Variants in ADGRB1 observed in about 807,000 individuals in gnomAD.
ADGRB1 encodes adhesion G protein-coupled receptor B1.
ADGRB1 carries 36 observed loss-of-function variants against 175.7 expected under a neutral mutation model. That is an observed-to-expected ratio of 0.20 (90% CI 0.16 to 0.27). The LOEUF (loss-of-function observed/expected upper bound fraction) is 0.27, where lower values mean the gene tolerates loss of function less well. ADGRB1 is among the 10% of genes least tolerant of loss of function. ADGRB1 has a pLI of 1.00. For synonymous variants in ADGRB1, 1,054 were observed against 979.4 expected, an observed-to-expected ratio of 1.08 and a Z score of -1.42; for missense variants, 1,731 against 2,255.3, an observed-to-expected ratio of 0.77 and a Z score of 4.71.
rs746190381 is a variant in ADGRB1 at position 142,484,706 on chromosome 8, C to T, written c.2250C>T (p.Asp750=). Residue 750 remains aspartate (D), a synonymous_variant, in exon 13 of 31, where the codon GAC becomes GAT. Coordinates refer to ENST00000517894, the MANE Select transcript of ADGRB1 (RefSeq NM_001702.3). ...TCCGGCTGGTGGAGGACTTTGTGGA[C>T]GTCATCGGCTTCCGCATGAAGGACC... ...ELFRLVEDFV[D]VIGFRMKDLR... The T allele has an allele frequency of 8.1e-6, 13 of 1,612,174 alleles. No homozygotes were observed. The Admixed American group carries it at 1.7e-4, about 21-fold the overall frequency.
At position 142,490,826 on chromosome 8, in the gene ADGRB1, T is replaced by G; in HGVS notation, c.2675+11T>G. On this transcript the variant is annotated intron_variant, in intron 17 of 30. Transcript: ENST00000517894. ...GGATGAGACGGATGTGTAAGTTCAC[T>G]TGGATTTCATGGCCGTGGGGGTCTG... 6.3e-7 allele frequency: 1 copy of G among 1,577,318 alleles called. No homozygotes were observed. The highest frequency in any genetic ancestry group is 1.2e-5 in the South Asian group (1 of 85,962).
rs1171446684 is a variant in ADGRB1, at chr8:142,477,236, C to A, written c.1180C>A (p.Leu394Met). The change falls in exon 5 of 31, where the codon CTG (leucine) becomes ATG (methionine). Residue 394 changes from leucine (L) to methionine (M), a missense_variant. Leu to Met is a conservative substitution (Grantham distance 15). Around this residue, in one of 8 missense-constraint regions of ADGRB1, gnomAD observed 178 missense variants for 227.8 expected, o/e 0.78. Transcript: ENST00000517894. Reference protein sequence around the residue: ...SSYSTQCSGPLREQRLCNNSA... With the variant: ...SSYSTQCSGPMREQRLCNNSA... ...CTACAGCACGCAGTGCAGCGGACCC[C>A]TGCGCGAGCAGCGGCTGTGCAACAA... 6.3e-7 allele frequency: 1 copy of A among 1,598,924 alleles called. No individual in the cohort carries two copies. The highest frequency in any genetic ancestry group is 8.5e-7 in the Non-Finnish European group (1 of 1,175,312).
At chr8:142,473,250 G>C (rs1840760054) in intron 2 of ADGRB1, among the ~76,000 whole-genome samples, 1 of 152,198 alleles carries the variant, frequency 6.6e-6, no homozygotes. Flanking sequence ...GCTGGGCTGG[G>C]ACGGCGAGGG....
chr8:142,515,229 T>G (rs1188630725), intron 18 of ADGRB1, among the ~76,000 whole-genome samples: 1 of 152,188 alleles, frequency 6.6e-6, no homozygotes, highest in Non-Finnish European at 1.5e-5. Context: ...TGCAAGGGCC[T>G]GGGCCGCGCT....
At position 142,510,458 on chromosome 8, in the gene ADGRB1, C is replaced by G. The variant is rs1005718915; in HGVS notation, c.2676-474C>G. 2.0e-5 allele frequency among the ~76,000 whole-genome samples: 3 copies of G among 151,646 alleles called. No individual in the cohort carries two copies. Among genetic ancestry groups the G allele is most frequent in the African/African-American group, 7.3e-5 (3 of 41,338 alleles). Reference sequence around the variant, plus strand: ...GGAGAGCTCCGGAGCGGACCCTCGCCGCGCTCCGAACCCGCCCCGCGCCCC... The same window carrying G: ...GGAGAGCTCCGGAGCGGACCCTCGCGGCGCTCCGAACCCGCCCCGCGCCCC... On this transcript the variant is annotated intron_variant, in intron 17 of 30. Transcript: ENST00000517894. The surrounding 1 kb of genome is among the most constrained non-coding windows in gnomAD (Gnocchi z 6.3).
At chr8:142,525,180 G>A (rs1563740656) in intron 23 of ADGRB1, among the ~76,000 whole-genome samples, 1 of 151,958 alleles carries the variant, frequency 6.6e-6, no homozygotes, top group Admixed American at 6.5e-5. Flanking sequence ...ACTGGGGGTT[G>A]GAGGGGCAGT....
At chr8:142,459,793 A>G (rs1301915472) in intron 1 of ADGRB1, among the ~76,000 whole-genome samples, 1 of 152,156 alleles carries the variant, frequency 6.6e-6, no homozygotes, top group Non-Finnish European at 1.5e-5. Context: ...AGCAGAGGCC[A>G]CCAGCCCCTC....
Position 142,510,726 on chromosome 8 carries a change from G to T in ADGRB1, c.2676-206G>T, listed in dbSNP as rs1351789372. Among the ~76,000 whole-genome samples, 1 of 144,226 alleles carries T rather than the reference G, an allele frequency of 6.9e-6. No individual in the cohort carries two copies. The highest frequency in any genetic ancestry group is 2.5e-5 in the African/African-American group (1 of 40,132). The allele number at this position is 144,226 out of a possible 152,430, so 94.6% of individuals were successfully genotyped here. On this transcript the variant is annotated intron_variant, in intron 17 of 30. Transcript: ENST00000517894. The surrounding 1 kb of genome is among the most constrained non-coding windows in gnomAD (Gnocchi z 6.3). ...CTCCGCGGCTCTCGGCGGCGGCGGCGGCGGGCGCAGAGCGCGGCATGGGCG... is the reference window on the plus strand; with the variant it reads ...CTCCGCGGCTCTCGGCGGCGGCGGCTGCGGGCGCAGAGCGCGGCATGGGCG...
chr8:142,475,340 G>C, intron 2 of ADGRB1, 134 bp from the exon 3 acceptor site: 1 of 950,640 alleles, frequency 1.1e-6, no homozygotes, highest in Non-Finnish European at 1.4e-6. Flanking sequence ...GGTCCTCCCA[G>C]GCCAGGCCTT....
chr8:142,496,723 C>T (rs1210340476), intron 17 of ADGRB1, among the ~76,000 whole-genome samples: 6 of 152,220 alleles, frequency 3.9e-5, no homozygotes, highest in Admixed American at 1.3e-4. Context: ...AGTCCCAGAG[C>T]GGGGATGTTA....
chr8:142,492,855 A>G lies in ADGRB1; in HGVS notation c.2675+2040A>G, dbSNP rs568094874. The stretch of plus-strand genomic sequence containing the variant: ...TGCGGGGGCTGCAGGTGGGTCTCTC[A>G]CCCCCACAGCCCCAGCACTTCCACC... On this transcript the variant is annotated intron_variant, in intron 17 of 30. Transcript: ENST00000517894. This position sits in a 1 kb window ranked among gnomAD's most constrained non-coding sequence, Gnocchi z 4.4. Among the ~76,000 whole-genome samples, 1 of 151,516 alleles carries G rather than the reference A, an allele frequency of 6.6e-6. No homozygotes were observed. The highest frequency in any genetic ancestry group is 2.1e-4 in the South Asian group (1 of 4,782).
At position 142,533,351 on chromosome 8, in the gene ADGRB1, C is replaced by T. The variant is rs1392356922; in HGVS notation, c.3455C>T (p.Ser1152Leu). 5 of 1,595,594 alleles carry T rather than the reference C, an allele frequency of 3.1e-6. No homozygotes were observed. Among genetic ancestry groups the T allele is most frequent in the Non-Finnish European group, 4.3e-6 (5 of 1,173,538 alleles). The stretch of plus-strand genomic sequence containing the variant: ...CCGCTGCTGGCGCTGACCTGGATGT[C>T]GGCTGTGCTCGCCGTCACCGACCGC... ...VLPLLALTWMSAVLAVTDRRS... is the reference protein window; with the variant it reads ...VLPLLALTWMLAVLAVTDRRS... Residue 1152 changes from serine (S) to leucine (L), a missense_variant, in exon 25 of 31, where the codon TCG becomes TTG. Physicochemically the swap from Ser to Leu is moderately radical, Grantham distance 145. Coordinates refer to ENST00000517894, the MANE Select transcript of ADGRB1 (RefSeq NM_001702.3).
At chr8:142,498,622 T>A (rs891309291) in intron 17 of ADGRB1, among the ~76,000 whole-genome samples, 6 of 151,954 alleles carry the variant, frequency 3.9e-5, no homozygotes, top group African/African-American at 1.5e-4. Flanking sequence ...GGGACCACTA[T>A]ATTGAGAGTC....
intron 24 of ADGRB1, among the ~76,000 whole-genome samples, chr8:142,530,136 T>C (rs977647157): frequency 6.6e-6 from 1 of 152,110 alleles, no homozygotes; most frequent in African/African-American, 2.4e-5. Flanking sequence ...TGTGAGTGTG[T>C]ATATAATTGG....
Position 142,511,985 on chromosome 8 carries a change from G to A in ADGRB1, c.2817+912G>A, listed in dbSNP as rs1428189695. ...GCATTGCTGGCCCTTGGGGAACCCC[G>A]GGTTCGATGTAGAAGGTAGCGCCTA... On this transcript the variant is annotated intron_variant, in intron 18 of 30. Coordinates refer to ENST00000517894, the MANE Select transcript of ADGRB1 (RefSeq NM_001702.3). This position sits in a 1 kb window ranked among gnomAD's most constrained non-coding sequence, Gnocchi z 4.5. Among the ~76,000 whole-genome samples, 1 of 152,216 alleles carries A rather than the reference G, an allele frequency of 6.6e-6. No homozygotes were observed. The highest frequency in any genetic ancestry group is 1.5e-5 in the Non-Finnish European group (1 of 68,026).
intron 1 of ADGRB1, among the ~76,000 whole-genome samples, chr8:142,457,646 C>A (rs1839753544): frequency 6.6e-6 from 1 of 152,126 alleles, no homozygotes; most frequent in African/African-American, 2.4e-5. Flanking sequence ...TACGGGCAGG[C>A]CTAGCTACCC....
At position 142,493,321 on chromosome 8, in the gene ADGRB1, CCCTATGG is replaced by C. The variant is rs2131900393; in HGVS notation, c.2675+2509_2675+2515del. Among the ~76,000 whole-genome samples, 1 of 152,174 alleles carries C rather than the reference CCCTATGG, an allele frequency of 6.6e-6. No individual in the cohort carries two copies. The highest frequency in any genetic ancestry group is 2.4e-5 in the African/African-American group (1 of 41,538). On this transcript the variant is annotated intron_variant, in intron 17 of 30. Coordinates refer to ENST00000517894, the MANE Select transcript of ADGRB1 (RefSeq NM_001702.3). The surrounding 1 kb of genome is among the most constrained non-coding windows in gnomAD (Gnocchi z 5.0). ...TGCCCTGGGAGCCTTGGCTTCCTGA[CCCTATGG>C]CCAGGGTCTGCCTGCTTTTAGGCAG...
At chr8:142,534,990 A>G (rs1844843700) in intron 25 of ADGRB1, among the ~76,000 whole-genome samples, 1 of 152,186 alleles carries the variant, frequency 6.6e-6, no homozygotes, top group Non-Finnish European at 1.5e-5. Flanking sequence ...CTTTGAGGCC[A>G]CACTCCTGGC....
At position 142,543,423 on chromosome 8, in the gene ADGRB1, A is replaced by C; in HGVS notation, c.4434A>C (p.Ala1478=). 1 of 1,613,804 alleles carries C rather than the reference A, an allele frequency of 6.2e-7. No homozygotes were observed. The highest frequency in any genetic ancestry group is 8.5e-7 in the Non-Finnish European group (1 of 1,179,816). ...TGCAGCGGCGGAAGTCGCGGTATGC[A>C]GAACTGGACTTTGAGGTGAGTTCTG... The part of the protein sequence containing the change: ...SSLERRKSRY[A]ELDFEKIMHT... Residue 1478 remains alanine (A), a synonymous_variant, in exon 29 of 31, where the codon GCA becomes GCC. Transcript: ENST00000517894. This position sits in a 1 kb window ranked among gnomAD's most constrained non-coding sequence, Gnocchi z 4.4.
Sources: allele counts gnomAD v4.1 joint callset (sites outside exome capture counted in the v4.1 genomes callset), GRCh38; gene constraint gnomAD v4.1.1; regional missense constraint gnomAD v4.1.1; non-coding constraint Gnocchi (gnomAD v3.1); transcripts MANE v1.5; gene names NCBI Gene and HGNC (gene_info 2026-07-23, HGNC 2026-07-21).